Variants in GRXCR1 observed in about 807,000 individuals in gnomAD.
GRXCR1 encodes glutaredoxin and cysteine rich domain containing 1, also known as glutaredoxin domain-containing cysteine-rich protein 1.
Under a neutral mutation model 27.3 loss-of-function variants are expected in GRXCR1, and 27 were observed. The observed-to-expected ratio is 0.99, with a 90% CI of 0.73 to 1.37. GRXCR1 has a LOEUF of 1.37. Ranked by LOEUF, GRXCR1 falls within the 40% of genes most tolerant of loss-of-function variation. GRXCR1 has a pLI of 0.00. For missense variants in GRXCR1, 379 were observed against 354.4 expected (o/e 1.07, Z -0.56); for synonymous variants, 122 against 131.1 (o/e 0.93, Z 0.47).
At chr4:42,942,403 A>C (rs964188638) in intron 1 of GRXCR1, among the ~76,000 whole-genome samples, 1 of 152,072 alleles carries the variant, frequency 6.6e-6, no homozygotes. Flanking sequence ...CTGTTAGCTC[A>C]GTGGGAGGTT....
chr4:43,001,220 C>A (rs1321272957), intron 2 of GRXCR1, among the ~76,000 whole-genome samples: 2 of 151,918 alleles, frequency 1.3e-5, no homozygotes, highest in Non-Finnish European at 2.9e-5. Flanking sequence ...GCTGTGTATG[C>A]AGTAAAATAT....
intron 3 of GRXCR1, among the ~76,000 whole-genome samples, chr4:43,023,370 G>A (rs1389296225): frequency 1.3e-5 from 2 of 152,168 alleles, no homozygotes; most frequent in East Asian, 3.8e-4. Context: ...AGCTGTGGTT[G>A]GGCCATCAGA....
chr4:42,961,485 T>A (rs1376232793), intron 1 of GRXCR1, among the ~76,000 whole-genome samples: 2 of 151,986 alleles, frequency 1.3e-5, no homozygotes, highest in African/African-American at 4.8e-5. Context: ...GTAACCACAC[T>A]GAAGTCACCT....
chr4:42,997,026 C>G (rs1430308608), intron 2 of GRXCR1, among the ~76,000 whole-genome samples: 1 of 151,928 alleles, frequency 6.6e-6, no homozygotes, highest in Admixed American at 6.6e-5. Flanking sequence ...AGTTCAGTCT[C>G]TTATGTTTAG....
At chr4:43,000,700 A>G (rs1039825976) in intron 2 of GRXCR1, among the ~76,000 whole-genome samples, 2 of 151,986 alleles carry the variant, frequency 1.3e-5, no homozygotes, top group African/African-American at 4.8e-5. Flanking sequence ...AAACCTCAGT[A>G]TATATAGGCT....
chr4:42,986,174 C>T (rs529456336), intron 2 of GRXCR1, among the ~76,000 whole-genome samples: 120 of 152,286 alleles, frequency 7.9e-4, no homozygotes, highest in Non-Finnish European at 1.1e-3. Context: ...CTTTCCAAAA[C>T]ACAAAAATTA....
intron 1 of GRXCR1, among the ~76,000 whole-genome samples, chr4:42,928,541 G>T (rs1026946447): frequency 2.0e-5 from 3 of 151,972 alleles, no homozygotes; most frequent in Admixed American, 6.6e-5. Context: ...TCAGGCAGGT[G>T]TGGCCACAAA....
chr4:42,968,352 C>A (rs138749605), intron 2 of GRXCR1, among the ~76,000 whole-genome samples: 48 of 152,096 alleles, frequency 3.2e-4, no homozygotes, highest in African/African-American at 1.1e-3. Context: ...CAAAATAAAA[C>A]AATTGGTCTA....
At chr4:42,999,191 G>T (rs1187458270) in intron 2 of GRXCR1, among the ~76,000 whole-genome samples, 1 of 152,166 alleles carries the variant, frequency 6.6e-6, no homozygotes, top group Non-Finnish European at 1.5e-5. Context: ...TTTCTTCTTT[G>T]TATAGTCTGT....
chr4:42,909,365 C>T (rs139328697), intron 1 of GRXCR1, among the ~76,000 whole-genome samples: 7 of 152,140 alleles, frequency 4.6e-5, no homozygotes, highest in East Asian at 1.9e-4. Context: ...CCCCATACCC[C>T]GAAGTTAGTT....
chr4:42,981,099 C>T lies in GRXCR1; in HGVS notation c.627+17965C>T, dbSNP rs141146120. Among the ~76,000 whole-genome samples, 491 of 149,928 alleles carry T rather than the reference C, an allele frequency of 3.3e-3. 5 individuals are homozygous for T. Among genetic ancestry groups the T allele is most frequent in the South Asian group, 0.01 (48 of 4,738 alleles). On this transcript the variant is annotated intron_variant, in intron 2 of 3. Transcript: ENST00000399770. ...TGGTTATTTTATAGATCTTTTCTCT[C>T]TTTCTTTTCCTTCTGCTGTCTTCCT... is the stretch of plus-strand genomic sequence containing the variant.
At chr4:42,947,861 A>T (rs962238482) in intron 1 of GRXCR1, among the ~76,000 whole-genome samples, 3 of 152,222 alleles carry the variant, frequency 2.0e-5, no homozygotes, top group African/African-American at 7.2e-5. Context: ...TACATCAGTC[A>T]TGCCAAATGG....
At chr4:43,010,200 G>A (rs1321694615) in intron 2 of GRXCR1, among the ~76,000 whole-genome samples, 6 of 152,054 alleles carry the variant, frequency 3.9e-5, no homozygotes, top group Non-Finnish European at 8.8e-5. Flanking sequence ...TCAGGACTTC[G>A]AGACCAGCTT....
chr4:43,013,585 T>C (rs2109803756), intron 2 of GRXCR1, among the ~76,000 whole-genome samples: 1 of 152,256 alleles, frequency 6.6e-6, no homozygotes, highest in South Asian at 2.1e-4. Context: ...GCATCATGCA[T>C]TATACCCAGG....
rs1215104266 is a variant in GRXCR1 at position 42,982,324 on chromosome 4, C to T, written c.627+19190C>T. Among the ~76,000 whole-genome samples, 113 of 141,048 alleles carry T rather than the reference C, an allele frequency of 8.0e-4. 1 individual carries two copies. The Middle Eastern group carries it at 0.022, about 27-fold the overall frequency. The allele number at this position is 141,048 out of a possible 152,430, so 92.5% of individuals were successfully genotyped here. On this transcript the variant is annotated intron_variant, in intron 2 of 3. Coordinates refer to ENST00000399770, the MANE Select transcript of GRXCR1 (RefSeq NM_001080476.3). ...TGCGGTGTTTGGTTTTTTGTTCTTG[C>T]GATAGTTTACTGAGAATGATGATTT... is the stretch of plus-strand genomic sequence containing the variant.
At chr4:43,019,321 C>T (rs1713028748) in intron 2 of GRXCR1, among the ~76,000 whole-genome samples, 1 of 152,202 alleles carries the variant, frequency 6.6e-6, no homozygotes, top group Non-Finnish European at 1.5e-5. Flanking sequence ...ATATAGTAAC[C>T]TCCATAAGAA....
intron 2 of GRXCR1, among the ~76,000 whole-genome samples, chr4:43,013,575 G>T (rs959714505): frequency 6.6e-6 from 1 of 152,076 alleles, no homozygotes; most frequent in Non-Finnish European, 1.5e-5. Flanking sequence ...CCAAACTTCA[G>T]CATCATGCAT....
At chr4:42,943,685 G>A (rs1747676024) in intron 1 of GRXCR1, among the ~76,000 whole-genome samples, 2 of 152,084 alleles carry the variant, frequency 1.3e-5, no homozygotes, top group South Asian at 4.1e-4. Context: ...CTAAAGTAGA[G>A]GTACATATTT....
intron 2 of GRXCR1, among the ~76,000 whole-genome samples, chr4:42,986,903 C>T (rs923725720): frequency 6.6e-6 from 1 of 151,226 alleles, no homozygotes; most frequent in Non-Finnish European, 1.5e-5. Flanking sequence ...AAACAGTCAC[C>T]GAACAAACAT....
Sources: allele counts gnomAD v4.1 joint callset (sites outside exome capture counted in the v4.1 genomes callset), GRCh38; gene constraint gnomAD v4.1.1; transcripts MANE v1.5; gene names NCBI Gene and HGNC (gene_info 2026-07-23, HGNC 2026-07-21).